Variants in ANO3 observed in about 807,000 individuals in gnomAD.
ANO3 encodes anoctamin-3.
ANO3 carries 99 observed loss-of-function variants against 144.8 expected under a neutral mutation model. The observed-to-expected ratio is 0.68, with a 90% CI of 0.58 to 0.81. The LOEUF is 0.81. ANO3 is among the 30% of genes least tolerant of loss of function. The pLI is 0.00. For synonymous variants in ANO3, 414 were observed against 392.6 expected (o/e 1.05, Z -0.64); for missense variants, 905 against 1,202.2 (o/e 0.75, Z 3.66).
At chr11:26,256,727 G>A (rs549003220) in intron 1 of ANO3, among the ~76,000 whole-genome samples, 1 of 152,206 alleles carries the variant, frequency 6.6e-6, no homozygotes, top group East Asian at 1.9e-4. Context: ...ACACAATTAA[G>A]CTATTTTATT....
At chr11:26,476,109 C>T (rs1264501464) in intron 4 of ANO3, among the ~76,000 whole-genome samples, 3 of 152,086 alleles carry the variant, frequency 2.0e-5, no homozygotes, top group Non-Finnish European at 2.9e-5. Context: ...CCCTTAATAT[C>T]TTCAGTGCAC....
At chr11:26,214,488 C>T (rs1851998359) in intron 1 of ANO3, among the ~76,000 whole-genome samples, 1 of 151,930 alleles carries the variant, frequency 6.6e-6, no homozygotes, top group Non-Finnish European at 1.5e-5. Context: ...AGTATTTGGA[C>T]ATGTACGGCT....
intron 1 of ANO3, among the ~76,000 whole-genome samples, chr11:26,404,943 G>A (rs145912943): frequency 0.58 from 81,014 of 139,716 alleles, 24,130 homozygotes; most frequent in Admixed American, 0.73. Flanking sequence ...ATGTGTGTGT[G>A]TGTGTGTGTG....
rs1037849196 is a variant in ANO3, at chr11:26,633,333, T to C, written c.1874-871T>C. ...CATCTTGTCTAAATCCCTTATTCTA[T>C]AGATGACCAAACTGACTGCAAAAAA... On this transcript the variant is annotated intron_variant, in intron 18 of 26. Coordinates refer to ENST00000256737, the MANE Select transcript of ANO3 (RefSeq NM_031418.4). Among the ~76,000 whole-genome samples, 6 of 152,156 alleles carry C rather than the reference T, an allele frequency of 3.9e-5. No homozygotes were observed. In the East Asian group the frequency reaches 7.7e-4, roughly 20 times the overall value.
intron 1 of ANO3, among the ~76,000 whole-genome samples, chr11:26,390,040 T>C (rs1274539990): frequency 6.6e-6 from 1 of 152,018 alleles, no homozygotes; most frequent in Non-Finnish European, 1.5e-5. Flanking sequence ...AAGAAGACAA[T>C]AAATCATCAA....
intron 11 of ANO3, 149 bp downstream of exon 11, chr11:26,542,217 T>C (rs1849665139): frequency 2.3e-6 from 2 of 875,730 alleles, no homozygotes; most frequent in Admixed American, 6.6e-5. Flanking sequence ...AATCTCACTG[T>C]AGGTAATTGG....
chr11:26,319,144 C>CATTATT (rs376211456), intron 1 of ANO3, among the ~76,000 whole-genome samples: 4 of 150,834 alleles, frequency 2.7e-5, no homozygotes, highest in East Asian at 1.9e-4. Flanking sequence ...TTCCAGATAA[C>CATTATT]ATTATTATTA....
At chr11:26,656,260 C>G (rs1219285857) in intron 25 of ANO3, 55 bp downstream of exon 25, 1 of 1,528,628 alleles carries the variant, frequency 6.5e-7, no homozygotes. Flanking sequence ...GTACTCCCCC[C>G]TGCATGTTAA....
At position 26,462,875 on chromosome 11, in the gene ANO3, A is replaced by T. The variant is rs1939166311; in HGVS notation, c.314-155A>T. On this transcript the variant is annotated intron_variant, in intron 3 of 26. Transcript: ENST00000256737. ...ATGTGCTTATTTATTGAATGTATGG[A>T]TTATTTGAAAATTATGCCACACAAA... 2.6e-5 allele frequency among the ~76,000 whole-genome samples: 4 copies of T among 151,936 alleles called. No homozygotes were observed. In the South Asian group the frequency reaches 8.3e-4, roughly 31 times the overall value.
intron 1 of ANO3, among the ~76,000 whole-genome samples, chr11:26,350,155 A>G (rs890296324): frequency 1.3e-5 from 2 of 152,132 alleles, no homozygotes; most frequent in African/African-American, 4.8e-5. Flanking sequence ...CAATTCAACT[A>G]TTGATACCAG....
chr11:26,277,497 T>C (rs1013755642), intron 1 of ANO3, among the ~76,000 whole-genome samples: 1 of 152,074 alleles, frequency 6.6e-6, no homozygotes, highest in Non-Finnish European at 1.5e-5. Context: ...TAACACAGTG[T>C]AAATAAAACT....
chr11:26,600,144 T>C (rs571742565), intron 17 of ANO3, among the ~76,000 whole-genome samples: 1 of 152,252 alleles, frequency 6.6e-6, no homozygotes, highest in South Asian at 2.1e-4. Flanking sequence ...CTAGTCTTCA[T>C]GTGAAATGAA....
chr11:26,430,868 T>C (rs1858065876), intron 1 of ANO3, among the ~76,000 whole-genome samples: 1 of 152,212 alleles, frequency 6.6e-6, no homozygotes, highest in Non-Finnish European at 1.5e-5. Flanking sequence ...TAAACAGATG[T>C]ATAGAAAACA....
chr11:26,642,161 C>A, intron 22 of ANO3, 132 bp downstream of exon 22: 1 of 949,442 alleles, frequency 1.1e-6, no homozygotes, highest in Non-Finnish European at 1.5e-6. Context: ...ACGTCTGCAC[C>A]TTCATCTCAA....
At chr11:26,189,593 A>G (rs112816854) in intron 1 of ANO3, among the ~76,000 whole-genome samples, 3 of 152,280 alleles carry the variant, frequency 2.0e-5, no homozygotes, top group South Asian at 2.1e-4. Context: ...GATGTAATAG[A>G]CTTTGTTCCT....
intron 1 of ANO3, among the ~76,000 whole-genome samples, chr11:26,411,027 G>A (rs1014998939): frequency 5.3e-5 from 8 of 151,978 alleles, no homozygotes; most frequent in African/African-American, 1.9e-4. Flanking sequence ...AAATTTCAGT[G>A]ATTTACTAGA....
chr11:26,563,412 TG>T, intron 14 of ANO3: 15 of 711,238 alleles, frequency 2.1e-5, no homozygotes, highest in Non-Finnish European at 3.2e-5. Context: ...TGTGTGTGTG[TG>T]TGTGTGTGTG....
At chr11:26,305,749 G>A (rs1469686120), upstream of ANO3, among the ~76,000 whole-genome samples, 4 of 152,066 alleles carry the variant, frequency 2.6e-5, no homozygotes, top group Non-Finnish European at 5.9e-5. Context: ...ATGGAAACTA[G>A]CATTTTGAAA....
chr11:26,432,226 G>C (rs758047676), intron 1 of ANO3, among the ~76,000 whole-genome samples: 42 of 151,936 alleles, frequency 2.8e-4, no homozygotes, highest in Non-Finnish European at 5.0e-4. Context: ...AGTGTCTGTT[G>C]ATGTCATTTG....
Sources: allele counts gnomAD v4.1 joint callset (sites outside exome capture counted in the v4.1 genomes callset), GRCh38; gene constraint gnomAD v4.1.1; transcripts MANE v1.5; gene names NCBI Gene and HGNC (gene_info 2026-07-23, HGNC 2026-07-21).